The following NOS1AP variants were observed in gnomAD, a reference collection of about 807,000 sequenced individuals.
NOS1AP encodes the protein carboxyl-terminal PDZ ligand of neuronal nitric oxide synthase protein.
In NOS1AP, 21 loss-of-function variants were observed where a neutral mutation model predicts 56.2. The observed-to-expected ratio is 0.37, with a 90% confidence interval of 0.26 to 0.54. The LOEUF (loss-of-function observed/expected upper bound fraction) is 0.54, where lower values mean the gene tolerates loss of function less well. Among genes scored for constraint, NOS1AP ranks in the 20% least tolerant of loss-of-function variants. NOS1AP has a pLI of 0.84. For synonymous variants in NOS1AP, 270 were observed against 274.6 expected, an observed-to-expected ratio of 0.98 and a Z score of 0.17; for missense variants, 522 against 657.8, an observed-to-expected ratio of 0.79 and a Z score of 2.26.
chr1:162,225,625 C>T (rs181566677), intron 2 of NOS1AP, among the ~76,000 whole-genome samples: 6 of 152,190 alleles, frequency 3.9e-5, no homozygotes, highest in African/African-American at 9.7e-5. Flanking sequence ...TGTTGTCCCA[C>T]GATCCATTTC....
chr1:162,356,461 C>T (rs1348477129), intron 7 of NOS1AP, among the ~76,000 whole-genome samples: 2 of 152,208 alleles, frequency 1.3e-5, no homozygotes, highest in African/African-American at 4.8e-5. Flanking sequence ...ATGGCCCCTT[C>T]CTCCAGGACC....
At chr1:162,187,437 C>G (rs1321793434) in intron 2 of NOS1AP, among the ~76,000 whole-genome samples, 2 of 152,074 alleles carry the variant, frequency 1.3e-5, no homozygotes, top group African/African-American at 4.8e-5. Flanking sequence ...TAGCTTGTTT[C>G]TAGTTTCTCA....
chr1:162,102,965 T>A (rs1647358798), intron 1 of NOS1AP, among the ~76,000 whole-genome samples: 1 of 152,154 alleles, frequency 6.6e-6, no homozygotes, highest in South Asian at 2.1e-4. Flanking sequence ...ATCTCTTGTC[T>A]TCTGCTAGCT....
intron 1 of NOS1AP, among the ~76,000 whole-genome samples, chr1:162,109,822 A>C (rs1284560561): frequency 3.3e-5 from 5 of 151,988 alleles, no homozygotes; most frequent in Admixed American, 3.3e-4. Context: ...CCAAGCCCTT[A>C]AATTCGTGAT....
At chr1:162,278,664 C>CGTGTGT (rs57058985) in intron 2 of NOS1AP, among the ~76,000 whole-genome samples, 73 of 143,212 alleles carry the variant, frequency 5.1e-4, no homozygotes, top group South Asian at 1.6e-3. Flanking sequence ...ACTCCTTCTA[C>CGTGTGT]GTGTGTGTGT....
chr1:162,365,025 G>A (rs912576579), intron 8 of NOS1AP: 4 of 1,114,728 alleles, frequency 3.6e-6, no homozygotes, highest in Non-Finnish European at 3.3e-6. Flanking sequence ...GCTAGGTGCT[G>A]AAGGAGTTCT....
intron 2 of NOS1AP, 67 bp downstream of exon 2, chr1:162,154,543 T>A: frequency 6.5e-7 from 1 of 1,529,342 alleles, no homozygotes; most frequent in Non-Finnish European, 9.0e-7. Context: ...CCCTTCTAGG[T>A]AGGGCTGGAG....
chr1:162,248,918 A>ACCC (rs536325243), intron 2 of NOS1AP, among the ~76,000 whole-genome samples: 52 of 150,084 alleles, frequency 3.5e-4, no homozygotes, highest in African/African-American at 1.3e-3. Flanking sequence ...AAACCACAGC[A>ACCC]CCCCCCCCTT....
intron 4 of NOS1AP, among the ~76,000 whole-genome samples, chr1:162,310,921 T>G (rs1489972012): frequency 2.0e-5 from 3 of 152,132 alleles, no homozygotes; most frequent in Non-Finnish European, 4.4e-5. Flanking sequence ...CCATCTTCGC[T>G]TGTTTCTTCA....
rs1647310423 is a variant in NOS1AP at position 162,369,522 on chromosome 1, G to GGCCAGT, written c.*2056_*2057insCCAGTG. The GGCCAGT allele has an allele frequency of 6.6e-6, 1 of 152,424 alleles. No homozygotes were observed. The highest frequency in any genetic ancestry group is 2.4e-5 in the African/African-American group (1 of 41,456). The allele number at this position is 152,424 out of a possible 1,614,324, so 9.4% of individuals were successfully genotyped here. On this transcript the variant is annotated 3_prime_UTR_variant, in exon 10 of 10. Transcript: ENST00000361897. ...CCAGAGGCCAGTGGATTAGGTGTAT[G>GGCCAGT]GAATGTGGATGGAGAGGGCTTGTGT...
chr1:162,249,635 T>C (rs1266294194), intron 2 of NOS1AP, among the ~76,000 whole-genome samples: 1 of 152,206 alleles, frequency 6.6e-6, no homozygotes, highest in Non-Finnish European at 1.5e-5. Flanking sequence ...AATCATCTAT[T>C]CAATGGTTGA....
chr1:162,161,406 G>A (rs1650209612), intron 2 of NOS1AP, among the ~76,000 whole-genome samples: 1 of 152,108 alleles, frequency 6.6e-6, no homozygotes, highest in African/African-American at 2.4e-5. Flanking sequence ...TTCAAATCCT[G>A]TTTCTTCTGT....
chr1:162,357,538 T>C (rs1657743464), intron 8 of NOS1AP, among the ~76,000 whole-genome samples: 1 of 148,580 alleles, frequency 6.7e-6, no homozygotes. Context: ...TTAAAACAGC[T>C]TAAAGTATGA....
At chr1:162,094,535 T>C (rs149916120) in intron 1 of NOS1AP, among the ~76,000 whole-genome samples, 114 of 152,302 alleles carry the variant, frequency 7.5e-4, no homozygotes, top group Admixed American at 1.3e-3. Flanking sequence ...TGTTGATGGA[T>C]GGATGGTTTA....
chr1:162,188,179 A>G lies in NOS1AP; in HGVS notation c.177+33703A>G, dbSNP rs189647324. ...TTCTCATGTTTAAGACTTTAACAAA[A>G]CAGCCTCTGGTCAAATGGCATGCTG... On this transcript the variant is annotated intron_variant, in intron 2 of 9. Transcript: ENST00000361897. The surrounding 1 kb of genome is among the most constrained non-coding windows in gnomAD (Gnocchi z 4.0). Among the ~76,000 whole-genome samples, 1 of 152,184 alleles carries G rather than the reference A, an allele frequency of 6.6e-6. No individual in the cohort carries two copies. The highest frequency in any genetic ancestry group is 1.5e-5 in the Non-Finnish European group (1 of 68,024).
At chr1:162,218,597 G>A (rs149480686) in intron 2 of NOS1AP, among the ~76,000 whole-genome samples, 161 of 152,282 alleles carry the variant, frequency 1.1e-3, no homozygotes, top group African/African-American at 3.7e-3. Context: ...AGGCCTCATG[G>A]TCTCCAAGGG....
intron 1 of NOS1AP, among the ~76,000 whole-genome samples, chr1:162,101,289 G>C (rs1647252898): frequency 6.6e-6 from 1 of 152,044 alleles, no homozygotes; most frequent in Admixed American, 6.6e-5. Flanking sequence ...CTGTTCCATT[G>C]GTCTATATGT....
At chr1:162,316,345 A>G (rs1656227572) in intron 4 of NOS1AP, among the ~76,000 whole-genome samples, 1 of 152,220 alleles carries the variant, frequency 6.6e-6, no homozygotes, top group African/African-American at 2.4e-5. Flanking sequence ...AGCTTTGCTC[A>G]GGAAGAGAGC....
intron 2 of NOS1AP, among the ~76,000 whole-genome samples, chr1:162,196,076 G>C (rs1651796361): frequency 6.6e-6 from 1 of 152,194 alleles, no homozygotes; most frequent in African/African-American, 2.4e-5. Context: ...TGTGAATGTG[G>C]GGGTTAAAGA....
Sources: gnomAD v4.1 joint callset for allele counts (sites outside exome capture counted in the v4.1 genomes callset) on GRCh38, gnomAD v4.1.1 for gene constraint, Gnocchi (gnomAD v3.1) non-coding constraint, MANE v1.5 for transcripts, NCBI Gene and HGNC (gene_info 2026-07-23, HGNC 2026-07-21) for gene names.